Variants in DOCK3 observed in about 807,000 individuals in gnomAD.
DOCK3 encodes dedicator of cytokinesis protein 3.
Under a neutral mutation model 265.6 loss-of-function variants are expected in DOCK3, and 60 were observed. That is an observed-to-expected ratio of 0.23 (90% confidence interval 0.18 to 0.28). DOCK3 has a LOEUF of 0.28. Among genes scored for constraint, DOCK3 ranks in the 10% least tolerant of loss-of-function variants. The probability of loss-of-function intolerance (pLI) is 1.00; values close to 1 mark genes in which losing one functional copy is unlikely to be tolerated. For synonymous variants in DOCK3, 881 were observed against 938.0 expected (o/e 0.94, Z 1.11); for missense variants, 1,981 against 2,594.3 (o/e 0.76, Z 5.14).
intron 27 of DOCK3, among the ~76,000 whole-genome samples, chr3:51,307,876 TGG>T (rs67688346): frequency 8.5e-6 from 1 of 117,458 alleles, no homozygotes. Flanking sequence ...TTAAATTATA[TGG>T]GTTTTTTTTT....
Position 50,994,417 on chromosome 3 carries a change from C to A in DOCK3, c.315+60340C>A, listed in dbSNP as rs149880482. Among the ~76,000 whole-genome samples, 867 of 152,246 alleles carry A rather than the reference C, an allele frequency of 5.7e-3. 4 individuals carry two copies. The highest frequency in any genetic ancestry group is 0.014 in the Middle Eastern group (4 of 294). Reference sequence around the variant, plus strand: ...AACTCTGACATAGAGATATTAAGTACCTTACCCATTCACAGCTATAGAGTG... The same window carrying A: ...AACTCTGACATAGAGATATTAAGTAACTTACCCATTCACAGCTATAGAGTG... On this transcript the variant is annotated intron_variant, in intron 5 of 52. Coordinates refer to ENST00000266037, the MANE Select transcript of DOCK3 (RefSeq NM_004947.5).
chr3:51,048,850 G>A (rs993247680), intron 5 of DOCK3, among the ~76,000 whole-genome samples: 6 of 149,882 alleles, frequency 4.0e-5, no homozygotes, highest in Non-Finnish European at 8.9e-5. Flanking sequence ...GCGACAGAGC[G>A]AGACTCCATC....
chr3:51,377,034 C>T (rs2088195203), intron 51 of DOCK3, among the ~76,000 whole-genome samples: 1 of 152,260 alleles, frequency 6.6e-6, no homozygotes, highest in Non-Finnish European at 1.5e-5. Context: ...AGATGCAGAG[C>T]AACGTCAGAA....
At chr3:51,278,632 ATG>A (rs1491004425) in intron 26 of DOCK3, 5 of 474,156 alleles carry the variant, frequency 1.1e-5, no homozygotes, top group Non-Finnish European at 1.3e-5. Context: ...ATATATATAT[ATG>A]TACCCTGGCA....
intron 5 of DOCK3, among the ~76,000 whole-genome samples, chr3:50,971,350 T>TC (rs1282152052): frequency 6.6e-6 from 1 of 152,150 alleles, no homozygotes; most frequent in African/African-American, 2.4e-5. Flanking sequence ...TATTAGTTTT[T>TC]CCCCTTGAAG....
intron 19 of DOCK3, among the ~76,000 whole-genome samples, chr3:51,231,222 G>A (rs1394422737): frequency 1.5e-5 from 2 of 137,066 alleles, no homozygotes; most frequent in African/African-American, 5.6e-5. Flanking sequence ...TCCGCCTCCT[G>A]GGTTCAAGTG....
intron 2 of DOCK3, among the ~76,000 whole-genome samples, chr3:50,830,142 T>C (rs1348801400): frequency 6.6e-6 from 1 of 152,226 alleles, no homozygotes; most frequent in Non-Finnish European, 1.5e-5. Context: ...TTATTAGTTA[T>C]ATAACTGGAA....
chr3:51,346,484 G>A (rs1263769896), intron 38 of DOCK3, among the ~76,000 whole-genome samples: 1 of 152,026 alleles, frequency 6.6e-6, no homozygotes, highest in Non-Finnish European at 1.5e-5. Flanking sequence ...CTTTTTTATG[G>A]CAGCATAGTA....
chr3:50,827,902 T>C (rs538793143), intron 2 of DOCK3, among the ~76,000 whole-genome samples: 1 of 152,262 alleles, frequency 6.6e-6, no homozygotes, highest in Admixed American at 6.5e-5. Context: ...GGTTTTACAG[T>C]GTTTTGCTTT....
chr3:50,858,852 T>C (rs1299053145), intron 3 of DOCK3, among the ~76,000 whole-genome samples: 3 of 152,184 alleles, frequency 2.0e-5, no homozygotes, highest in Non-Finnish European at 4.4e-5. Flanking sequence ...TGTTCATTTC[T>C]TTTTATTCTA....
At chr3:50,726,341 G>A (rs1576248130) in intron 1 of DOCK3, among the ~76,000 whole-genome samples, 3 of 152,266 alleles carry the variant, frequency 2.0e-5, no homozygotes, top group South Asian at 4.1e-4. Context: ...AAAAATCTAG[G>A]AAGGGAGAGA....
intron 19 of DOCK3, among the ~76,000 whole-genome samples, chr3:51,232,217 G>T (rs1301786733): frequency 6.6e-6 from 1 of 151,894 alleles, no homozygotes; most frequent in South Asian, 2.1e-4. Context: ...CTGAGGTTTT[G>T]GTGCACCTAT....
intron 1 of DOCK3, among the ~76,000 whole-genome samples, chr3:50,761,874 A>G (rs754917928): frequency 1.4e-4 from 22 of 152,232 alleles, no homozygotes; most frequent in Admixed American, 7.2e-4. Flanking sequence ...CCACAATGAT[A>G]GACTGGATTA....
chr3:50,688,573 C>T (rs577254442), intron 1 of DOCK3, among the ~76,000 whole-genome samples: 57 of 152,248 alleles, frequency 3.7e-4, no homozygotes, highest in Admixed American at 3.1e-3. Flanking sequence ...AGCGATTCTC[C>T]TGGCTCAGCC....
At chr3:50,952,214 G>A (rs2076610044) in intron 5 of DOCK3, among the ~76,000 whole-genome samples, 1 of 152,142 alleles carries the variant, frequency 6.6e-6, no homozygotes, top group Non-Finnish European at 1.5e-5. Flanking sequence ...AAAAAGGTTG[G>A]AATAGTATAA....
intron 1 of DOCK3, among the ~76,000 whole-genome samples, chr3:50,705,502 G>A (rs749307885): frequency 1.2e-4 from 19 of 152,032 alleles, no homozygotes; most frequent in Non-Finnish European, 8.8e-5. Flanking sequence ...TGCAACCTCC[G>A]CCTGCTGGGT....
At chr3:51,193,583 T>G (rs2088080721) in intron 12 of DOCK3, among the ~76,000 whole-genome samples, 1 of 152,172 alleles carries the variant, frequency 6.6e-6, no homozygotes, top group Non-Finnish European at 1.5e-5. Flanking sequence ...ATTACTGATA[T>G]AATCTTGCTA....
chr3:51,010,258 T>C (rs1180021324), intron 5 of DOCK3, among the ~76,000 whole-genome samples: 1 of 152,198 alleles, frequency 6.6e-6, no homozygotes, highest in Non-Finnish European at 1.5e-5. Context: ...AGTCTAAGTC[T>C]GTTTGTTGGT....
At chr3:50,839,768 C>T (rs1465614563) in intron 2 of DOCK3, among the ~76,000 whole-genome samples, 2 of 120,462 alleles carry the variant, frequency 1.7e-5, no homozygotes, top group East Asian at 5.7e-4. Flanking sequence ...CCTCCTCTCT[C>T]CTCTCCTCTT....
Sources: gnomAD v4.1 joint callset for allele counts (sites outside exome capture counted in the v4.1 genomes callset) on GRCh38, gnomAD v4.1.1 for gene constraint, MANE v1.5 for transcripts, NCBI Gene and HGNC (gene_info 2026-07-23, HGNC 2026-07-21) for gene names.